The following FLI1 variants were observed in gnomAD, a reference collection of about 807,000 sequenced individuals.
The protein encoded by FLI1 is Fli-1 proto-oncogene, ETS transcription factor, also known as Friend leukemia integration 1 transcription factor.
A neutral mutation model predicts 53.1 loss-of-function variants in FLI1; 13 were observed. The ratio of observed to expected loss-of-function variants is 0.24; its 90% CI spans 0.16 to 0.39. The LOEUF is 0.39. Among genes scored for constraint, FLI1 ranks in the 10% least tolerant of loss-of-function variants. The pLI is 1.00. For missense variants in FLI1, 424 were observed against 600.5 expected (o/e 0.71, Z 3.07); for synonymous variants, 244 against 236.7 (o/e 1.03, Z -0.28).
At chr11:128,746,700 G>A (rs747111786) in intron 1 of FLI1, among the ~76,000 whole-genome samples, 1 of 151,964 alleles carries the variant, frequency 6.6e-6, no homozygotes, top group Admixed American at 6.6e-5. Flanking sequence ...TTCACTCCAC[G>A]AGGAAGCACT....
chr11:128,693,739 C>A (rs944178272), upstream of FLI1: 2 of 233,400 alleles, frequency 8.6e-6, no homozygotes, highest in Admixed American at 5.6e-5. Flanking sequence ...GCGTGGACCC[C>A]GTCATTGTTC....
rs544616896 is a variant in FLI1 at position 128,746,835 on chromosome 11, A to G, written c.19-11280A>G. ...TAAAGGATGGTTAAAAATGTCCAGGAGCTGGGAGATTAAGTAACTTGCCCA... is the reference window on the plus strand; with the variant it reads ...TAAAGGATGGTTAAAAATGTCCAGGGGCTGGGAGATTAAGTAACTTGCCCA... On this transcript the variant is annotated intron_variant, in intron 1 of 8. Coordinates refer to ENST00000527786, the MANE Select transcript of FLI1 (RefSeq NM_002017.5). Among the ~76,000 whole-genome samples the G allele has an allele frequency of 4.6e-5, 7 of 152,338 alleles. No individual in the cohort carries two copies. The South Asian group carries it at 1.4e-3, about 32-fold the overall frequency.
chr11:128,743,313 G>A (rs1477769291), intron 1 of FLI1, among the ~76,000 whole-genome samples: 6 of 151,778 alleles, frequency 4.0e-5, no homozygotes, highest in Non-Finnish European at 8.8e-5. Flanking sequence ...GCTGAGGTAG[G>A]AGGATTCCTT....
At chr11:128,774,096 G>A (rs1048896308) in intron 4 of FLI1, among the ~76,000 whole-genome samples, 10 of 152,130 alleles carry the variant, frequency 6.6e-5, no homozygotes, top group Non-Finnish European at 1.2e-4. Flanking sequence ...GCTCGCCATC[G>A]TTCTGTGGAC....
At chr11:128,776,131 G>A (rs1168859539) in intron 4 of FLI1, among the ~76,000 whole-genome samples, 1 of 152,270 alleles carries the variant, frequency 6.6e-6, no homozygotes, top group East Asian at 1.9e-4. Flanking sequence ...AAATGCAAAT[G>A]TATTTTCCAG....
chr11:128,712,633 A>G (rs771536711), intron 1 of FLI1, among the ~76,000 whole-genome samples: 2 of 152,156 alleles, frequency 1.3e-5, no homozygotes, highest in South Asian at 2.1e-4. Context: ...AGCAGGCAAA[A>G]AGAGAGCTTG....
intron 1 of FLI1, among the ~76,000 whole-genome samples, chr11:128,757,713 C>T (rs1380104811): frequency 6.6e-6 from 1 of 152,188 alleles, no homozygotes; most frequent in African/African-American, 2.4e-5. Flanking sequence ...CTGATGACTC[C>T]ACTCAGCTCG....
intron 4 of FLI1, among the ~76,000 whole-genome samples, chr11:128,777,923 T>A (rs1156625949): frequency 2.0e-5 from 3 of 152,238 alleles, no homozygotes; most frequent in African/African-American, 4.8e-5. Flanking sequence ...GTTGGGGTTC[T>A]ACCCCACACC....
intron 1 of FLI1, among the ~76,000 whole-genome samples, chr11:128,697,855 C>A (rs192480144): frequency 6.6e-6 from 1 of 152,104 alleles, no homozygotes; most frequent in Non-Finnish European, 1.5e-5. Flanking sequence ...GGAATGTAGA[C>A]GCTAGTGGAG....
At chr11:128,758,831 G>A (rs142142473) in intron 2 of FLI1, among the ~76,000 whole-genome samples, 147 of 152,306 alleles carry the variant, frequency 9.7e-4, no homozygotes, top group Non-Finnish European at 1.5e-3. Context: ...CCTGGAAGGC[G>A]TGCATGAAGT....
chr11:128,773,788 G>C (rs1304802939), intron 4 of FLI1, among the ~76,000 whole-genome samples: 6 of 151,708 alleles, frequency 4.0e-5, no homozygotes, highest in Admixed American at 1.3e-4. Flanking sequence ...CAATATCAGT[G>C]CTACCCCTAA....
At chr11:128,776,291 C>A (rs10893917) in intron 4 of FLI1, among the ~76,000 whole-genome samples, 28,535 of 151,980 alleles carry the variant, frequency 0.19, 2,789 homozygotes, top group East Asian at 0.28. Context: ...CCCCTCCCCC[C>A]CACCACCACA....
intron 4 of FLI1, among the ~76,000 whole-genome samples, chr11:128,776,341 G>C (rs112796764): frequency 0.017 from 2,522 of 152,282 alleles, 65 homozygotes; most frequent in African/African-American, 0.056. Flanking sequence ...GGTGGCCACG[G>C]TTCTTGGGGG....
intron 1 of FLI1, among the ~76,000 whole-genome samples, chr11:128,712,202 G>T (rs1244762220): frequency 6.6e-6 from 1 of 152,164 alleles, no homozygotes; most frequent in Non-Finnish European, 1.5e-5. Flanking sequence ...TGTTAAAAGA[G>T]TCTGGGACCT....
At chr11:128,769,977 C>T (rs1941492830) in intron 3 of FLI1, among the ~76,000 whole-genome samples, 1 of 152,174 alleles carries the variant, frequency 6.6e-6, no homozygotes, top group African/African-American at 2.4e-5. Context: ...TCAAACTCCC[C>T]TGCTTCAGTC....
At chr11:128,786,976 A>G (rs1233954417) in intron 5 of FLI1, among the ~76,000 whole-genome samples, 2 of 152,188 alleles carry the variant, frequency 1.3e-5, no homozygotes, top group African/African-American at 2.4e-5. Flanking sequence ...CCACAGCCCC[A>G]CTGCAAGCGG....
In FLI1 at chr11:128,744,168, C is replaced by T. The variant is rs79219123; in HGVS notation, c.19-13947C>T. ...ATGAACACTGAGTTATCTGAGCTTA[C>T]TCGTAGACAGAGTGGCCATATAATG... On this transcript the variant is annotated intron_variant, in intron 1 of 8. Coordinates refer to ENST00000527786, the MANE Select transcript of FLI1 (RefSeq NM_002017.5). Among the ~76,000 whole-genome samples, 53 of 152,326 alleles carry T rather than the reference C, an allele frequency of 3.5e-4. No homozygotes were observed. In the East Asian group the frequency reaches 9.6e-3, roughly 28 times the overall value.
chr11:128,789,050 G>A (rs916679779), intron 5 of FLI1, among the ~76,000 whole-genome samples: 1 of 152,178 alleles, frequency 6.6e-6, no homozygotes, highest in Non-Finnish European at 1.5e-5. Context: ...TATGATTTTA[G>A]AGGTCATAGT....
chr11:128,690,295 C>G, upstream of FLI1, among the ~76,000 whole-genome samples: 1 of 152,298 alleles, frequency 6.6e-6, no homozygotes, highest in African/African-American at 2.4e-5. Flanking sequence ...CCTCGCTGGA[C>G]CAGAGGGGCA....
Sources: allele counts gnomAD v4.1 joint callset (sites outside exome capture counted in the v4.1 genomes callset), GRCh38; gene constraint gnomAD v4.1.1; transcripts MANE v1.5; gene names NCBI Gene and HGNC (gene_info 2026-07-23, HGNC 2026-07-21).